Variants in EPSTI1 observed in about 807,000 individuals in gnomAD.
EPSTI1 encodes epithelial-stromal interaction protein 1.
In EPSTI1, 66 loss-of-function variants were observed where a neutral mutation model predicts 49.9. That is an observed-to-expected ratio of 1.32 (90% CI 1.08 to 1.62). EPSTI1 has a LOEUF of 1.62. Among genes scored for constraint, EPSTI1 ranks in the 40% most tolerant of loss-of-function variants. The probability of loss-of-function intolerance (pLI) is 0.00; values close to 1 mark genes in which losing one functional copy is unlikely to be tolerated. For missense variants in EPSTI1, 394 were observed against 365.5 expected, an observed-to-expected ratio of 1.08 and a Z score of -0.64; for synonymous variants, 137 against 130.7, an observed-to-expected ratio of 1.05 and a Z score of -0.33.
At chr13:42,962,820 A>G (rs1406118854) in intron 5 of EPSTI1, among the ~76,000 whole-genome samples, 1 of 152,144 alleles carries the variant, frequency 6.6e-6, no homozygotes, top group Non-Finnish European at 1.5e-5. Context: ...ACAAACATTT[A>G]TGAATAGCGT....
intron 6 of EPSTI1, among the ~76,000 whole-genome samples, chr13:42,949,868 A>C (rs2039044244): frequency 6.6e-6 from 1 of 152,038 alleles, no homozygotes; most frequent in African/African-American, 2.4e-5. Context: ...CCCACCACCA[A>C]CAAATTACCA....
intron 9 of EPSTI1, among the ~76,000 whole-genome samples, chr13:42,895,584 GA>G (rs990829693): frequency 1.3e-5 from 2 of 152,196 alleles, no homozygotes; most frequent in African/African-American, 4.8e-5. Context: ...CCCCATACAT[GA>G]AAAGCAGAAA....
chr13:42,956,608 C>T (rs1365927347), intron 5 of EPSTI1, among the ~76,000 whole-genome samples: 1 of 152,168 alleles, frequency 6.6e-6, no homozygotes, highest in East Asian at 1.9e-4. Flanking sequence ...TTCTGTGTCT[C>T]ACAAAGGCAC....
intron 6 of EPSTI1, among the ~76,000 whole-genome samples, chr13:42,949,083 G>C (rs2039013346): frequency 6.6e-6 from 1 of 152,088 alleles, no homozygotes; most frequent in South Asian, 2.1e-4. Flanking sequence ...ATTCCAACCT[G>C]ACTCCAGTAC....
intron 3 of EPSTI1, among the ~76,000 whole-genome samples, chr13:42,968,343 G>A (rs2039674075): frequency 6.6e-6 from 1 of 151,982 alleles, no homozygotes; most frequent in African/African-American, 2.4e-5. Context: ...CAGGGTGTGG[G>A]GAGGGAACTT....
intron 8 of EPSTI1, among the ~76,000 whole-genome samples, chr13:42,905,915 A>G (rs1340458858): frequency 6.6e-6 from 1 of 152,236 alleles, no homozygotes. Context: ...TCACTGTGCT[A>G]TGCAAATCTC....
intron 1 of EPSTI1, among the ~76,000 whole-genome samples, chr13:42,974,731 C>A (rs1031477121): frequency 3.3e-5 from 5 of 151,882 alleles, no homozygotes; most frequent in African/African-American, 1.2e-4. Context: ...TACATTCTTG[C>A]ACAATTTTTA....
intron 6 of EPSTI1, among the ~76,000 whole-genome samples, chr13:42,927,530 C>T (rs1751273839): frequency 6.6e-6 from 1 of 152,128 alleles, no homozygotes; most frequent in African/African-American, 2.4e-5. Context: ...AGGACATGGG[C>T]ATCAAAGGAA....
chr13:42,937,092 G>A (rs1441408314), intron 6 of EPSTI1, among the ~76,000 whole-genome samples: 1 of 152,176 alleles, frequency 6.6e-6, no homozygotes, highest in Non-Finnish European at 1.5e-5. Flanking sequence ...GCAATAAAGT[G>A]AGTCACATAA....
At chr13:42,981,367 C>T (rs1019523358) in intron 1 of EPSTI1, among the ~76,000 whole-genome samples, 1 of 152,168 alleles carries the variant, frequency 6.6e-6, no homozygotes, top group Non-Finnish European at 1.5e-5. Flanking sequence ...GTTTCTTTCT[C>T]ATTTCTGCTA....
chr13:42,942,206 T>C (rs947552210), intron 6 of EPSTI1, among the ~76,000 whole-genome samples: 2 of 152,214 alleles, frequency 1.3e-5, no homozygotes, highest in African/African-American at 2.4e-5. Context: ...ACTCGATTTA[T>C]AGATATTCTT....
chr13:42,974,778 T>C (rs1265766405), intron 1 of EPSTI1, among the ~76,000 whole-genome samples: 3 of 152,226 alleles, frequency 2.0e-5, no homozygotes, highest in Non-Finnish European at 4.4e-5. Flanking sequence ...AAAAATGTTA[T>C]GTTGAAGTTA....
At chr13:42,970,017 T>G (rs760946046) in intron 2 of EPSTI1, 2 of 152,346 alleles carry the variant, frequency 1.3e-5, no homozygotes, top group Non-Finnish European at 2.9e-5. Flanking sequence ...CACCCGGAGC[T>G]ACATGTCCGG....
At chr13:42,978,947 C>G (rs1042184536) in intron 1 of EPSTI1, among the ~76,000 whole-genome samples, 1 of 152,064 alleles carries the variant, frequency 6.6e-6, no homozygotes, top group African/African-American at 2.4e-5. Context: ...CTGGCTCTTC[C>G]TTTTAACAAC....
intron 5 of EPSTI1, among the ~76,000 whole-genome samples, chr13:42,959,961 T>C (rs1264139553): frequency 6.6e-6 from 1 of 152,314 alleles, no homozygotes; most frequent in South Asian, 2.1e-4. Flanking sequence ...ATAACAACTA[T>C]TTACACAACA....
intron 6 of EPSTI1, among the ~76,000 whole-genome samples, chr13:42,935,761 T>G (rs1240453872): frequency 6.6e-6 from 1 of 152,000 alleles, no homozygotes; most frequent in Non-Finnish European, 1.5e-5. Flanking sequence ...CTGGCTAATT[T>G]TTTGTATTTT....
intron 8 of EPSTI1, among the ~76,000 whole-genome samples, chr13:42,914,740 A>T (rs2037782236): frequency 6.6e-6 from 1 of 152,180 alleles, no homozygotes; most frequent in Non-Finnish European, 1.5e-5. Flanking sequence ...TTATTTTAGA[A>T]TGGTAAGATG....
intron 1 of EPSTI1, among the ~76,000 whole-genome samples, chr13:42,974,206 C>T (rs2039828229): frequency 6.6e-6 from 1 of 151,788 alleles, no homozygotes; most frequent in African/African-American, 2.4e-5. Context: ...TGTGATAGCA[C>T]ACGCCTGTAA....
Position 42,888,392 on chromosome 13 carries a change from A to G in EPSTI1, c.*102T>C, listed in dbSNP as rs532317807. ...GTCAAGTGTGTGGGCAGTTGAAATT[A>G]AGGTAAAAACAGTGAGGCTGAACAA... On this transcript the variant is annotated 3_prime_UTR_variant, in exon 11 of 11. Transcript: ENST00000313624. The G allele has an allele frequency of 5.2e-5, 84 of 1,614,216 alleles. No individual in the cohort carries two copies. In the East Asian group the frequency reaches 1.4e-3, roughly 27 times the overall value.
Sources: gnomAD v4.1 joint callset for allele counts (sites outside exome capture counted in the v4.1 genomes callset) on GRCh38, gnomAD v4.1.1 for gene constraint, MANE v1.5 for transcripts, NCBI Gene and HGNC (gene_info 2026-07-23, HGNC 2026-07-21) for gene names.